Variants in CNTN2 observed in about 807,000 individuals in gnomAD.
The protein encoded by CNTN2 is contactin-2.
A neutral mutation model predicts 117.5 loss-of-function variants in CNTN2; 53 were observed. That is an observed-to-expected ratio of 0.45 (90% CI 0.36 to 0.57). The LOEUF (loss-of-function observed/expected upper bound fraction) is 0.57, where lower values mean the gene tolerates loss of function less well. Among genes scored for constraint, CNTN2 ranks in the 20% least tolerant of loss-of-function variants. The pLI is 0.00. For synonymous variants in CNTN2, 530 were observed against 561.7 expected (o/e 0.94, Z 0.80); for missense variants, 1,106 against 1,404.3 (o/e 0.79, Z 3.39).
Position 205,076,750 on chromosome 1 carries a change from G to A in CNTN2, c.*2985G>A, listed in dbSNP as rs1196418958. 6.6e-6 allele frequency: 1 copy of A among 152,274 alleles called. No homozygotes were observed. Among genetic ancestry groups the A allele is most frequent in the Non-Finnish European group, 1.5e-5 (1 of 68,142 alleles). 9.4% of individuals were successfully genotyped at this position (152,274 alleles called of 1,614,324 possible). On this transcript the variant is annotated 3_prime_UTR_variant, in exon 23 of 23. Transcript: ENST00000331830. ...CTCTCTGGTCCTTGTTGCTCTAACA[G>A]TCCAGATGTACACCCAGCCTCAGGG...
In CNTN2 at chr1:205,059,475, A is replaced by C. The variant is rs1653851202; in HGVS notation, c.698-108A>C. ...TTGCCCCAGGCCTCAAGGAGATTCC[A>C]CACAGCTGCCTAGACAGAGTTGGCT... On this transcript the variant is annotated intron_variant, in intron 6 of 22. Transcript: ENST00000331830. This position sits in a 1 kb window ranked among gnomAD's most constrained non-coding sequence, Gnocchi z 5.6. 1 of 1,257,960 alleles carries C rather than the reference A, an allele frequency of 7.9e-7. No homozygotes were observed. Among genetic ancestry groups the C allele is most frequent in the Non-Finnish European group, 1.2e-6 (1 of 868,720 alleles). 77.9% of individuals were successfully genotyped at this position (1,257,960 alleles called of 1,614,324 possible).
chr1:205,069,703 G>A, intron 17 of CNTN2, 124 bp from the exon 18 acceptor site: 3 of 1,398,980 alleles, frequency 2.1e-6, no homozygotes, highest in Admixed American at 1.8e-5. Context: ...TGCCCCTTAC[G>A]CGAATCCACG....
rs1266498762 is a variant in CNTN2 at position 205,061,507 on chromosome 1, A to AGGGAG, written c.973+89_973+93dup. On this transcript the variant is annotated intron_variant, in intron 8 of 22. Coordinates refer to ENST00000331830, the MANE Select transcript of CNTN2 (RefSeq NM_005076.5). This position sits in a 1 kb window ranked among gnomAD's most constrained non-coding sequence, Gnocchi z 4.8. ...CCCCAAGGAAACAGACCCAAAAGTC[A>AGGGAG]GGGAGGAGACTGGGAGGCCCCCTGC... 2 of 1,431,342 alleles carry AGGGAG rather than the reference A, an allele frequency of 1.4e-6. No homozygotes were observed. Among genetic ancestry groups the AGGGAG allele is most frequent in the Non-Finnish European group, 1.9e-6 (2 of 1,075,952 alleles). 88.7% of individuals were successfully genotyped at this position (1,431,342 alleles called of 1,614,324 possible).
intron 2 of CNTN2, among the ~76,000 whole-genome samples, chr1:205,054,314 G>A (rs1293819490): frequency 4.6e-5 from 7 of 152,206 alleles, no homozygotes; most frequent in Non-Finnish European, 1.0e-4. Context: ...ACTTTCAGAC[G>A]TTCTCATTCT....
In CNTN2 at chr1:205,061,642, G is replaced by A; in HGVS notation, c.973+222G>A. ...TGCAGAAAGCACACAGGAGGCTCCA[G>A]AATGATTTAAGTTGCAAAAGCAGCC... On this transcript the variant is annotated intron_variant, in intron 8 of 22. Transcript: ENST00000331830. The surrounding 1 kb of genome is among the most constrained non-coding windows in gnomAD (Gnocchi z 4.8). 1.3e-6 allele frequency: 1 copy of A among 775,542 alleles called. No individual in the cohort carries two copies. 48.0% of individuals were successfully genotyped at this position (775,542 alleles called of 1,614,324 possible).
intron 19 of CNTN2, 105 bp downstream of exon 19, chr1:205,070,643 C>T (rs1278617850): frequency 3.8e-6 from 3 of 779,972 alleles, no homozygotes; most frequent in Non-Finnish European, 6.5e-6. Context: ...GTCCCTGGTT[C>T]GCTGACATGG....
intron 10 of CNTN2, among the ~76,000 whole-genome samples, chr1:205,063,784 C>T (rs963316114): frequency 9.2e-5 from 14 of 151,956 alleles, no homozygotes; most frequent in African/African-American, 3.4e-4. Flanking sequence ...CTCATTTAGA[C>T]TGTGACCTGA....
In CNTN2 at chr1:205,058,397, A is replaced by G; in HGVS notation, c.391+41A>G. The G allele has an allele frequency of 6.5e-7, 1 of 1,527,642 alleles. No homozygotes were observed. Among genetic ancestry groups the G allele is most frequent in the Non-Finnish European group, 8.8e-7 (1 of 1,133,064 alleles). The allele number at this position is 1,527,642 out of a possible 1,614,324, so 94.6% of individuals were successfully genotyped here. A position where few individuals can be genotyped will look rare whatever the true frequency, so the allele number is the denominator to read the frequency against. On this transcript the variant is annotated intron_variant, in intron 4 of 22. Transcript: ENST00000331830. This position sits in a 1 kb window ranked among gnomAD's most constrained non-coding sequence, Gnocchi z 4.3. ...GACCAAGACACTTTGGGGGAGGGGG[A>G]GAGGGGGCTAGGAGAAATTACTGAG... is the stretch of plus-strand genomic sequence containing the variant.
In CNTN2 at chr1:205,048,254, A is replaced by G. The variant is rs531879866; in HGVS notation, c.-86-4846A>G. 2.6e-5 allele frequency among the ~76,000 whole-genome samples: 4 copies of G among 152,182 alleles called. No homozygotes were observed. In the South Asian group the frequency reaches 8.3e-4, roughly 32 times the overall value. ...GGAGCTGGGCATCCCAGTAGGGAGAACTCTGGGGTGGAGGGTGTACCTTTT... is the reference window on the plus strand; with the variant it reads ...GGAGCTGGGCATCCCAGTAGGGAGAGCTCTGGGGTGGAGGGTGTACCTTTT... On this transcript the variant is annotated intron_variant, in intron 1 of 22. Transcript: ENST00000331830. The surrounding 1 kb of genome is among the most constrained non-coding windows in gnomAD (Gnocchi z 4.1).
rs779907671 is a variant in CNTN2 at position 205,065,122 on chromosome 1, G to A, written c.1555G>A (p.Asp519Asn). 9.3e-6 allele frequency: 15 copies of A among 1,613,874 alleles called. No homozygotes were observed. The highest frequency in any genetic ancestry group is 1.6e-4 in the Middle Eastern group (1 of 6,084). ...TKITLAPSSA[D>N]INLGDNLTLQ... is the part of the protein sequence containing the mutation. ...AATCACTCTAGCCCCCTCAAGTGCC[G>A]ACATCAACTTGGGTGACAACCTGAC... is the stretch of plus-strand genomic sequence containing the variant. Residue 519 changes from aspartate (D) to asparagine (N), a missense_variant, in exon 13 of 23, where the codon GAC becomes AAC. By Grantham distance (23) the Asp-to-Asn change is conservative. Transcript: ENST00000331830. This position sits in a 1 kb window ranked among gnomAD's most constrained non-coding sequence, Gnocchi z 4.1.
chr1:205,045,696 G>A (rs1468946301), intron 1 of CNTN2, among the ~76,000 whole-genome samples: 1 of 152,186 alleles, frequency 6.6e-6, no homozygotes, highest in Non-Finnish European at 1.5e-5. Flanking sequence ...GAGAAGAGGT[G>A]ATTGATATGC....
intron 1 of CNTN2, among the ~76,000 whole-genome samples, chr1:205,046,858 T>G (rs1002500598): frequency 2.2e-4 from 34 of 152,168 alleles, no homozygotes; most frequent in South Asian, 8.3e-4. Context: ...TGGGGGTGGC[T>G]GGCTTCTGAT....
chr1:205,047,169 C>A (rs576246072), intron 1 of CNTN2, among the ~76,000 whole-genome samples: 213 of 152,306 alleles, frequency 1.4e-3, no homozygotes, highest in Admixed American at 0.013. Context: ...CGGGGCTGCA[C>A]GACACCCCTG....
Position 205,061,451 on chromosome 1 carries a change from TC to T in CNTN2, c.973+34del. On this transcript the variant is annotated intron_variant, in intron 8 of 22. Coordinates refer to ENST00000331830, the MANE Select transcript of CNTN2 (RefSeq NM_005076.5). This position sits in a 1 kb window ranked among gnomAD's most constrained non-coding sequence, Gnocchi z 4.8. ...GAGCCAGGGACACCTTCTCCGCCCC[TC>T]CCGACCCCCCTTCCCGCCTTCACCC... 6.5e-7 allele frequency: 1 copy of T among 1,543,472 alleles called. No homozygotes were observed. The highest frequency in any genetic ancestry group is 8.8e-7 in the Non-Finnish European group (1 of 1,139,054).
At chr1:205,045,602 C>T (rs866467031) in intron 1 of CNTN2, among the ~76,000 whole-genome samples, 1 of 152,148 alleles carries the variant, frequency 6.6e-6, no homozygotes, top group South Asian at 2.1e-4. Context: ...GGTGAGAAAG[C>T]GTATTTCAAA....
Position 205,058,023 on chromosome 1 carries a change from T to G in CNTN2, c.173T>G (p.Leu58Trp). 2.5e-6 allele frequency: 4 copies of G among 1,613,408 alleles called. No homozygotes were observed. The Middle Eastern group carries it at 6.6e-4, about 266-fold the overall frequency. ...GAGGAGTCCACGGAGGAGCAGGTGT[T>G]GCTGGCATGCCGCGCCCGGGCCAGC... ...FPEESTEEQV[L>W]LACRARASPP... Residue 58 changes from leucine to tryptophan, a missense_variant, in exon 3 of 23, where the codon TTG (leucine) becomes TGG (tryptophan). Leu to Trp is a moderately conservative substitution (Grantham distance 61). Transcript: ENST00000331830. This position sits in a 1 kb window ranked among gnomAD's most constrained non-coding sequence, Gnocchi z 4.3.
intron 10 of CNTN2, 194 bp downstream of exon 10, chr1:205,062,763 G>C (rs925052873): frequency 4.0e-5 from 21 of 521,716 alleles, no homozygotes; most frequent in Admixed American, 8.2e-5. Flanking sequence ...AGCTGCCAGA[G>C]GGCAGGGTCT....
intron 16 of CNTN2, 37 bp downstream of exon 16, chr1:205,067,287 G>T: frequency 6.3e-7 from 1 of 1,593,062 alleles, no homozygotes; most frequent in East Asian, 2.2e-5. Context: ...CTATCATCAG[G>T]GCAGAGACCC....
At chr1:205,066,326 C>A in intron 14 of CNTN2, 115 bp from the exon 15 acceptor site, 1 of 1,273,974 alleles carries the variant, frequency 7.8e-7, no homozygotes, top group Non-Finnish European at 1.1e-6. Flanking sequence ...GTGTTCACTG[C>A]ATCCTCTGCT....
Sources: allele counts gnomAD v4.1 joint callset (sites outside exome capture counted in the v4.1 genomes callset), GRCh38; gene constraint gnomAD v4.1.1; non-coding constraint Gnocchi (gnomAD v3.1); transcripts MANE v1.5; gene names NCBI Gene and HGNC (gene_info 2026-07-23, HGNC 2026-07-21).